The following GRIK5 variants were observed in gnomAD, a reference collection of about 807,000 sequenced individuals.
The protein encoded by GRIK5 is glutamate receptor ionotropic, kainate 5.
In GRIK5, 43 loss-of-function variants were observed where a neutral mutation model predicts 97.4. The observed-to-expected ratio is 0.44, with a 90% CI of 0.35 to 0.57. The LOEUF (loss-of-function observed/expected upper bound fraction) is 0.57. Ranked by LOEUF, GRIK5 falls within the 20% of genes least tolerant of loss-of-function variation. The pLI is 0.01. For missense variants in GRIK5, 1,015 were observed against 1,382.0 expected (o/e 0.73, Z 4.21); for synonymous variants, 580 against 583.5 (o/e 0.99, Z 0.09).
At chr19:42,030,486 T>C (rs1568902743) in intron 12 of GRIK5, among the ~76,000 whole-genome samples, 1 of 151,650 alleles carries the variant, frequency 6.6e-6, no homozygotes, top group African/African-American at 2.4e-5. Flanking sequence ...TCAGACAGGG[T>C]CTTGCCCTGT....
intron 12 of GRIK5, among the ~76,000 whole-genome samples, chr19:42,039,567 C>T (rs1031767238): frequency 2.0e-5 from 3 of 152,206 alleles, no homozygotes; most frequent in Non-Finnish European, 4.4e-5. Context: ...AAGAGCACAT[C>T]GGGCTTGTTC....
At chr19:42,035,230 C>T (rs1283936158) in intron 12 of GRIK5, among the ~76,000 whole-genome samples, 2 of 151,922 alleles carry the variant, frequency 1.3e-5, no homozygotes. Flanking sequence ...ATCCGCCCAC[C>T]TCGGCCTCCC....
chr19:42,008,748 A>G (rs1355459508), intron 15 of GRIK5, among the ~76,000 whole-genome samples: 2 of 152,232 alleles, frequency 1.3e-5, no homozygotes, highest in Non-Finnish European at 2.9e-5. Context: ...AGACAAGGAC[A>G]TGAAAACAGC....
chr19:42,053,546 G>T, intron 11 of GRIK5, 56 bp downstream of exon 11: 1 of 1,040,114 alleles, frequency 9.6e-7, no homozygotes, highest in Non-Finnish European at 1.5e-6. Flanking sequence ...CACGGTGGGA[G>T]CTAGGACTGG....
At chr19:42,039,872 C>G (rs986709781) in intron 12 of GRIK5, among the ~76,000 whole-genome samples, 3 of 151,380 alleles carry the variant, frequency 2.0e-5, no homozygotes, top group African/African-American at 4.9e-5. Context: ...CCCAGCAACT[C>G]GGGAGGCTGA....
At chr19:42,048,765 G>A (rs1349508675) in intron 11 of GRIK5, among the ~76,000 whole-genome samples, 1 of 152,164 alleles carries the variant, frequency 6.6e-6, no homozygotes, top group African/African-American at 2.4e-5. Context: ...AGGGCCAAGT[G>A]TGGTGGCTCA....
intron 12 of GRIK5, among the ~76,000 whole-genome samples, chr19:42,034,457 G>A (rs1187011987): frequency 1.3e-5 from 2 of 152,046 alleles, no homozygotes; most frequent in African/African-American, 2.4e-5. Context: ...CCCTGCTCTC[G>A]GATCTCTCTG....
At position 42,053,741 on chromosome 19, in the gene GRIK5, G is replaced by A. The variant is rs1159539380; in HGVS notation, c.1162-32C>T. 3.9e-6 allele frequency: 6 copies of A among 1,557,270 alleles called. No individual in the cohort carries two copies. In the African/African-American group the frequency reaches 8.1e-5, roughly 21 times the overall value. On this transcript the variant is annotated intron_variant, in intron 10 of 19. Coordinates refer to ENST00000593562, the MANE Select transcript of GRIK5 (RefSeq NM_002088.5). ...GGCAGAGAGGGTGCTGTCAGCTCAG[G>A]CCCTGCCTGAGGTCATGGCAGCCTC... is the stretch of plus-strand genomic sequence containing the variant.
intron 12 of GRIK5, among the ~76,000 whole-genome samples, chr19:42,023,157 A>G (rs912553721): frequency 2.0e-4 from 31 of 152,026 alleles, no homozygotes; most frequent in African/African-American, 7.5e-4. Context: ...GAAAGGACAC[A>G]GACCCCAAAG....
rs113940398 is a variant in GRIK5 at position 42,017,406 on chromosome 19, A to AT, written c.1871+3894dup. 2.2e-4 allele frequency among the ~76,000 whole-genome samples: 34 copies of AT among 152,218 alleles called. 1 individual carries two copies. Among genetic ancestry groups the AT allele is most frequent in the African/African-American group, 7.5e-4 (31 of 41,536 alleles). ...ATATTGCAATTATGGCGTTAAATTG[A>AT]TTTTTTACAAATTATGTGTGTAGGA... On this transcript the variant is annotated intron_variant, in intron 15 of 19. Coordinates refer to ENST00000593562, the MANE Select transcript of GRIK5 (RefSeq NM_002088.5).
In GRIK5 at chr19:42,056,955, T is replaced by C. The variant is rs199977057; in HGVS notation, c.711A>G (p.Ser237=). The C allele has an allele frequency of 6.4e-7, 1 of 1,563,908 alleles. No homozygotes were observed. Among genetic ancestry groups the C allele is most frequent in the Admixed American group, 1.9e-5 (1 of 51,810 alleles). Residue 237 remains serine (S), a synonymous_variant, in exon 7 of 20, where the codon TCA becomes TCG. Transcript: ENST00000593562. ...TGGTGAGGATGTACTTGTAAAACGCTGAGGTCATTCCCAGTTCCGAGGCCT... is the reference window on the plus strand; with the variant it reads ...TGGTGAGGATGTACTTGTAAAACGCCGAGGTCATTCCCAGTTCCGAGGCCT... ...LRKASELGMT[S]AFYKYILTTM...
rs114781124 is a variant in GRIK5, at chr19:42,042,301, A to T, written c.1473+251T>A. Among the ~76,000 whole-genome samples the T allele has an allele frequency of 1.1e-4, 16 of 152,336 alleles. No homozygotes were observed. The highest frequency in any genetic ancestry group is 3.8e-4 in the African/African-American group (16 of 41,588). On this transcript the variant is annotated intron_variant, in intron 12 of 19. Transcript: ENST00000593562. This position sits in a 1 kb window ranked among gnomAD's most constrained non-coding sequence, Gnocchi z 6.9. Reference sequence around the variant, plus strand: ...ACCGACTAATCCAAGGTGGCATGAAAGGGGCATTTGGCAAAGCAGGACACA... The same window carrying T: ...ACCGACTAATCCAAGGTGGCATGAATGGGGCATTTGGCAAAGCAGGACACA...
chr19:42,068,653 T>C, intron 1 of GRIK5: 1 of 425,860 alleles, frequency 2.3e-6, no homozygotes, highest in Non-Finnish European at 4.2e-6. Flanking sequence ...GAGGGAGACT[T>C]GGAAAGAGGG....
chr19:42,024,110 C>T (rs1014850284), intron 12 of GRIK5, among the ~76,000 whole-genome samples: 3 of 152,140 alleles, frequency 2.0e-5, no homozygotes, highest in Non-Finnish European at 2.9e-5. Context: ...TCTTCTTCCC[C>T]GTTCCAGGCT....
chr19:42,043,199 A>G (rs1049971517), intron 11 of GRIK5, among the ~76,000 whole-genome samples: 2 of 152,090 alleles, frequency 1.3e-5, no homozygotes, highest in Non-Finnish European at 2.9e-5. Context: ...ATTCCACAGA[A>G]CAGTCCTTGC....
At chr19:42,054,585 G>T in intron 8 of GRIK5, 113 bp from the exon 9 acceptor site, 1 of 1,240,380 alleles carries the variant, frequency 8.1e-7, no homozygotes, top group East Asian at 2.5e-5. Flanking sequence ...CCTCTCCCCA[G>T]GAATGGGAAA....
chr19:42,023,756 A>C (rs1008367902), intron 12 of GRIK5, among the ~76,000 whole-genome samples: 3 of 152,016 alleles, frequency 2.0e-5, no homozygotes, highest in Admixed American at 6.6e-5. Flanking sequence ...ATTTCTCTAC[A>C]ACTCCACCAC....
At chr19:42,009,487 G>A (rs78429638) in intron 15 of GRIK5, among the ~76,000 whole-genome samples, 1 of 150,744 alleles carries the variant, frequency 6.6e-6, no homozygotes, top group African/African-American at 2.4e-5. Context: ...AAAAAAAAAG[G>A]CTGGGCGCGG....
At chr19:42,060,963 C>T (rs1249820847) in intron 5 of GRIK5, among the ~76,000 whole-genome samples, 1 of 152,238 alleles carries the variant, frequency 6.6e-6, no homozygotes, top group African/African-American at 2.4e-5. Context: ...TCAGAATGTA[C>T]TTGGACTACT....
Sources: allele counts gnomAD v4.1 joint callset (sites outside exome capture counted in the v4.1 genomes callset), GRCh38; gene constraint gnomAD v4.1.1; non-coding constraint Gnocchi (gnomAD v3.1); transcripts MANE v1.5; gene names NCBI Gene and HGNC (gene_info 2026-07-23, HGNC 2026-07-21).